Variants in BEND2 observed in about 807,000 individuals in gnomAD.
The protein encoded by BEND2 is BEN domain-containing protein 2.
BEND2 carries 19 observed loss-of-function variants against 43.8 expected under a neutral mutation model. The observed-to-expected ratio is 0.43, with a 90% CI of 0.30 to 0.64. BEND2 has a LOEUF of 0.64. BEND2 is among the 30% of genes least tolerant of loss of function. The pLI is 0.11. For missense variants in BEND2, 544 were observed against 574.0 expected (o/e 0.95, Z 0.53); for synonymous variants, 226 against 210.1 (o/e 1.08, Z -0.66).
chrX:18,215,547 TG>T (rs904748081), intron 2 of BEND2, among the ~76,000 whole-genome samples: 3 of 111,755 alleles, frequency 2.7e-5, no homozygotes, highest in African/African-American at 9.8e-5. Context: ...TTGTAAATGA[TG>T]GGGGGGAGAA....
At chrX:18,181,455 A>C in intron 8 of BEND2, among the ~76,000 whole-genome samples, 1 of 111,517 alleles carries the variant, frequency 9.0e-6, no homozygotes, top group East Asian at 2.8e-4. Flanking sequence ...GAACTGTGGT[A>C]AATCCATACC....
At chrX:18,211,987 G>GA (rs944241315) in intron 4 of BEND2, among the ~76,000 whole-genome samples, 5 of 105,240 alleles carry the variant, frequency 4.8e-5, no homozygotes, top group East Asian at 2.9e-4. Context: ...ATCTAGGATG[G>GA]AAAAAAAAAT....
At chrX:18,186,612 C>A (rs1179639061) in intron 8 of BEND2, among the ~76,000 whole-genome samples, 2 of 109,005 alleles carry the variant, frequency 1.8e-5, no homozygotes, top group East Asian at 5.8e-4. Flanking sequence ...CATTAGTTTA[C>A]AATAATGGGT....
intron 12 of BEND2, among the ~76,000 whole-genome samples, chrX:18,173,564 C>T (rs780799055): frequency 9.0e-6 from 1 of 111,716 alleles, no homozygotes; most frequent in African/African-American, 3.3e-5. Flanking sequence ...GTGGCACAGT[C>T]ACTACTGAAC....
intron 5 of BEND2, among the ~76,000 whole-genome samples, chrX:18,203,062 T>A (rs930924896): frequency 9.9e-5 from 11 of 111,407 alleles, no homozygotes; most frequent in African/African-American, 3.6e-4. Context: ...ATAACAATAT[T>A]GAAGTGACAA....
intron 8 of BEND2, among the ~76,000 whole-genome samples, 160 bp from the exon 9 acceptor site, chrX:18,180,810 T>C (rs1036411539): frequency 8.3e-5 from 9 of 108,547 alleles, no homozygotes; most frequent in African/African-American, 3.0e-4. Context: ...TTTTAGACTA[T>C]GTTGCCCAAG....
intron 8 of BEND2, among the ~76,000 whole-genome samples, chrX:18,182,902 C>A (rs899180046): frequency 2.7e-5 from 3 of 109,541 alleles, no homozygotes; most frequent in African/African-American, 6.6e-5. Flanking sequence ...ATTAGCCAGG[C>A]GTGGTAGTAC....
At chrX:18,194,071 A>G (rs1687250788) in intron 7 of BEND2, among the ~76,000 whole-genome samples, 1 of 112,034 alleles carries the variant, frequency 8.9e-6, no homozygotes, top group African/African-American at 3.2e-5. Context: ...AACAGAAAAG[A>G]TACTATAAGA....
chrX:18,190,766 T>TCTCTCA (rs1439593746), intron 8 of BEND2, among the ~76,000 whole-genome samples: 82 of 93,012 alleles, frequency 8.8e-4, no homozygotes, highest in African/African-American at 3.1e-3. Context: ...TCTCTCTCTC[T>TCTCTCA]CACACACACA....
chrX:18,216,810 A>C, intron 1 of BEND2, 77 bp from the exon 2 acceptor site: 1 of 770,609 alleles, frequency 1.3e-6, no homozygotes, highest in Non-Finnish European at 1.9e-6. Context: ...TACCTTATAA[A>C]GTTATAGATT....
chrX:18,201,396 C>CAAAAAAAAAAAAAAAA (rs1227049211), intron 6 of BEND2, among the ~76,000 whole-genome samples: 7 of 20,623 alleles, frequency 3.4e-4, no homozygotes, highest in Non-Finnish European at 4.6e-4. Context: ...AACTCCATCT[C>CAAAAAAAAAAAAAAAA]AAAAAAAAAA....
chrX:18,198,060 C>T (rs1045167580), intron 6 of BEND2, among the ~76,000 whole-genome samples: 3 of 111,241 alleles, frequency 2.7e-5, no homozygotes, highest in African/African-American at 6.5e-5. Flanking sequence ...TTCAAGATGG[C>T]GTAAAGACTT....
rs141513008 is a variant in BEND2, at chrX:18,175,455, G to A, written c.1752+517C>T. 9.0e-3 allele frequency among the ~76,000 whole-genome samples: 1,011 copies of A among 112,407 alleles called. 16 individuals are homozygous for A. Among genetic ancestry groups the A allele is most frequent in the African/African-American group, 0.031 (969 of 30,952 alleles). ...TACTTTGAAGATAGACTGGAGGAAA[G>A]AGAAACTAGATTTCTGTTACCACAT... On this transcript the variant is annotated intron_variant, in intron 11 of 13. Coordinates refer to ENST00000380033, the MANE Select transcript of BEND2 (RefSeq NM_153346.5).
chrX:18,190,480 G>A (rs1348026496), intron 8 of BEND2, among the ~76,000 whole-genome samples: 2 of 111,310 alleles, frequency 1.8e-5, no homozygotes, highest in African/African-American at 3.3e-5. Context: ...AGGTTAAATG[G>A]TATATCAGTC....
chrX:18,204,773 C>T lies in BEND2; in HGVS notation c.493-858G>A, dbSNP rs749150076. Among the ~76,000 whole-genome samples, 8 of 111,280 alleles carry T rather than the reference C, an allele frequency of 7.2e-5. No individual in the cohort carries two copies. The South Asian group carries it at 2.7e-3, about 37-fold the overall frequency. ...ATGCTCTAATGCCAGCAAATGAAAG[C>T]GCCACAATGCCTCTACACCAGCACA... On this transcript the variant is annotated intron_variant, in intron 4 of 13. Transcript: ENST00000380033.
chrX:18,220,169 C>T (rs1416365127), intron 1 of BEND2, among the ~76,000 whole-genome samples: 2 of 112,090 alleles, frequency 1.8e-5, no homozygotes, highest in Non-Finnish European at 3.8e-5. Flanking sequence ...TCAGAACACC[C>T]GGAATTTGAG....
chrX:18,179,668 G>A (rs1924310044), intron 9 of BEND2, among the ~76,000 whole-genome samples: 1 of 112,250 alleles, frequency 8.9e-6, no homozygotes, highest in Non-Finnish European at 1.9e-5. Context: ...GCAAAGGTGG[G>A]TATTTGTGAC....
chrX:18,219,542 C>T (rs1347220402), intron 1 of BEND2, among the ~76,000 whole-genome samples: 3 of 112,912 alleles, frequency 2.7e-5, no homozygotes, highest in Non-Finnish European at 5.6e-5. Flanking sequence ...ACCATCAAAG[C>T]CTCAGACTCT....
Position 18,201,427 on chromosome X carries a change from A to AAAAAAAAAAAAAAAC in BEND2, c.1033+387_1033+388insGTTTTTTTTTTTTTT, listed in dbSNP as rs1925156313. Among the ~76,000 whole-genome samples the AAAAAAAAAAAAAAAC allele has an allele frequency of 1.2e-4, 10 of 86,428 alleles. 1 individual carries two copies. The highest frequency in any genetic ancestry group is 3.4e-4 in the African/African-American group (8 of 23,254). The allele number at this position is 86,428 out of a possible 115,157, so 75.1% of individuals were successfully genotyped here. On this transcript the variant is annotated intron_variant, in intron 6 of 13. Coordinates refer to ENST00000380033, the MANE Select transcript of BEND2 (RefSeq NM_153346.5). ...AAAAAAAAAAAAAAAACAAAAAAAAAAAAACTGGTGGATCAAGGTTAAATA... is the reference window on the plus strand; with the variant it reads ...AAAAAAAAAAAAAAAACAAAAAAAAAAAAAAAAAAAAAAACAAAACTGGTGGATCAAGGTTAAATA...
Sources: gnomAD v4.1 joint callset for allele counts (sites outside exome capture counted in the v4.1 genomes callset) on GRCh38, gnomAD v4.1.1 for gene constraint, MANE v1.5 for transcripts, NCBI Gene and HGNC (gene_info 2026-07-23, HGNC 2026-07-21) for gene names.